Variants in ERBB4 observed in about 807,000 individuals in gnomAD.
ERBB4 encodes erb-b2 receptor tyrosine kinase 4, also known as receptor tyrosine-protein kinase erbB-4.
A neutral mutation model predicts 158.0 loss-of-function variants in ERBB4; 42 were observed. The ratio of observed to expected loss-of-function variants is 0.27; its 90% CI spans 0.21 to 0.34. The LOEUF (loss-of-function observed/expected upper bound fraction) is 0.34, where lower values mean the gene tolerates loss of function less well. Among genes scored for constraint, ERBB4 ranks in the 10% least tolerant of loss-of-function variants. The pLI is 1.00. For synonymous variants in ERBB4, 583 were observed against 558.7 expected, an observed-to-expected ratio of 1.04 and a Z score of -0.61; for missense variants, 1,333 against 1,624.1, an observed-to-expected ratio of 0.82 and a Z score of 3.08.
chr2:212,126,765 A>G (rs1018215915), intron 1 of ERBB4, among the ~76,000 whole-genome samples: 1 of 152,206 alleles, frequency 6.6e-6, no homozygotes, highest in African/African-American at 2.4e-5. Flanking sequence ...ATATACACAG[A>G]AGTAAAAAAG....
chr2:212,207,984 T>C (rs1343979149), intron 1 of ERBB4, among the ~76,000 whole-genome samples: 1 of 152,196 alleles, frequency 6.6e-6, no homozygotes, highest in Admixed American at 6.5e-5. Flanking sequence ...ATTAAAGCCA[T>C]ATACTTTTTA....
chr2:212,264,293 A>G (rs924409426), intron 1 of ERBB4, among the ~76,000 whole-genome samples: 1 of 152,132 alleles, frequency 6.6e-6, no homozygotes, highest in East Asian at 1.9e-4. Flanking sequence ...CTCGTTGGTC[A>G]TATTTAACCG....
At chr2:211,427,234 G>A (rs1262870939) in intron 22 of ERBB4, among the ~76,000 whole-genome samples, 1 of 151,616 alleles carries the variant, frequency 6.6e-6, no homozygotes, top group Admixed American at 6.6e-5. Flanking sequence ...TTCCAACAAT[G>A]CAAAAAAGGT....
At chr2:211,999,454 T>C (rs557020124) in intron 2 of ERBB4, among the ~76,000 whole-genome samples, 44 of 151,940 alleles carry the variant, frequency 2.9e-4, no homozygotes, top group Middle Eastern at 3.4e-3. Context: ...GTATCCTGAA[T>C]AAATCTTAAA....
intron 27 of ERBB4, among the ~76,000 whole-genome samples, chr2:211,386,041 A>G (rs1303111920): frequency 2.6e-5 from 4 of 152,204 alleles, no homozygotes; most frequent in African/African-American, 7.2e-5. Context: ...ATAACCATAT[A>G]CCAGGCCCTT....
At chr2:212,433,064 G>C (rs929345872) in intron 1 of ERBB4, among the ~76,000 whole-genome samples, 2 of 151,994 alleles carry the variant, frequency 1.3e-5, no homozygotes, top group African/African-American at 4.8e-5. Flanking sequence ...TGGTAGAAAA[G>C]TTATTTATAA....
chr2:211,635,847 AAT>A (rs1306753307), intron 16 of ERBB4, among the ~76,000 whole-genome samples: 5 of 152,058 alleles, frequency 3.3e-5, no homozygotes, highest in Non-Finnish European at 7.4e-5. Context: ...TTAAATTTTG[AAT>A]ATATGTGTAT....
chr2:212,489,022 A>G (rs1690128605), intron 1 of ERBB4, among the ~76,000 whole-genome samples: 1 of 150,546 alleles, frequency 6.6e-6, no homozygotes, highest in Admixed American at 6.7e-5. Flanking sequence ...TTGCATTTGT[A>G]TGGTAGGCAA....
intron 3 of ERBB4, among the ~76,000 whole-genome samples, chr2:211,919,723 C>T (rs1479167531): frequency 6.6e-6 from 1 of 151,934 alleles, no homozygotes; most frequent in East Asian, 1.9e-4. Context: ...AGTGTTATGG[C>T]ACCTCAGAAG....
intron 2 of ERBB4, among the ~76,000 whole-genome samples, chr2:212,099,193 A>T (rs1432802430): frequency 2.0e-5 from 3 of 150,734 alleles, no homozygotes; most frequent in Non-Finnish European, 4.4e-5. Context: ...ATAATAAATA[A>T]TAAAAATAAA....
chr2:211,562,918 C>T (rs2067443736), intron 19 of ERBB4, among the ~76,000 whole-genome samples: 1 of 151,600 alleles, frequency 6.6e-6, no homozygotes, highest in African/African-American at 2.4e-5. Flanking sequence ...ACTACAGGCG[C>T]CCGCCACTAC....
chr2:212,154,156 T>C (rs2080959031), intron 1 of ERBB4, among the ~76,000 whole-genome samples: 1 of 152,176 alleles, frequency 6.6e-6, no homozygotes, highest in South Asian at 2.1e-4. Flanking sequence ...GAATGAATTC[T>C]TTCAGCAACT....
chr2:212,137,493 C>T (rs1162750934), intron 1 of ERBB4, among the ~76,000 whole-genome samples: 1 of 152,112 alleles, frequency 6.6e-6, no homozygotes, highest in Non-Finnish European at 1.5e-5. Flanking sequence ...CATGTCTCTG[C>T]CAAGGACATA....
chr2:212,159,264 G>GTT (rs72054973), intron 1 of ERBB4, among the ~76,000 whole-genome samples: 3 of 141,272 alleles, frequency 2.1e-5, no homozygotes, highest in Admixed American at 7.1e-5. Context: ...GTGTGTTTTT[G>GTT]TTTTTTTTTT....
chr2:211,713,696 C>T (rs2073794443), intron 7 of ERBB4, 48 bp from the exon 8 acceptor site: 1 of 1,112,068 alleles, frequency 9.0e-7, no homozygotes, highest in Non-Finnish European at 1.4e-6. Context: ...TGTTAACATT[C>T]AGCAAACAAG....
At chr2:212,392,783 C>T (rs1196767707) in intron 1 of ERBB4, among the ~76,000 whole-genome samples, 1 of 151,910 alleles carries the variant, frequency 6.6e-6, no homozygotes, top group Non-Finnish European at 1.5e-5. Context: ...TATCATATTA[C>T]ATTACTGGTC....
rs2125312112 is a variant in ERBB4 at position 211,384,012 on chromosome 2, T to C, written c.3530A>G (p.Asn1177Ser). Residue 1177 changes from asparagine (N) to serine (S), a missense_variant, in exon 28 of 28, where the codon AAT becomes AGT. Transcript: ENST00000342788. ...EENPFVSRRK[N>S]GDLQALDNPE... ...ATTATCCAATGCTTGAAGGTCTCCA[T>C]TTTTTCTCCGAGAAACAAAAGGGTT... is the stretch of plus-strand genomic sequence containing the variant. 2 of 1,613,946 alleles carry C rather than the reference T, an allele frequency of 1.2e-6. No individual in the cohort carries two copies. The highest frequency in any genetic ancestry group is 2.2e-5 in the East Asian group (1 of 44,862).
chr2:212,335,959 A>G (rs2088421043), intron 1 of ERBB4, among the ~76,000 whole-genome samples: 1 of 152,032 alleles, frequency 6.6e-6, no homozygotes, highest in African/African-American at 2.4e-5. Flanking sequence ...TCTTTATTGT[A>G]CAATGCCTAA....
In ERBB4 at chr2:211,377,726, A is replaced by G. The variant is rs2062500475; in HGVS notation, c.*5889T>C. On this transcript the variant is annotated 3_prime_UTR_variant, in exon 28 of 28. Transcript: ENST00000342788. Reference sequence around the variant, plus strand: ...GCAAATAAGTTAATTTACTGGCAAAAATAACTTCTTGGTTATATGTACAGC... The same window carrying G: ...GCAAATAAGTTAATTTACTGGCAAAGATAACTTCTTGGTTATATGTACAGC... The G allele has an allele frequency of 4.3e-6, 1 of 232,374 alleles. No homozygotes were observed. Among genetic ancestry groups the G allele is most frequent in the Non-Finnish European group, 8.5e-6 (1 of 117,574 alleles). 14.4% of individuals were successfully genotyped at this position (232,374 alleles called of 1,614,324 possible).
Sources: gnomAD v4.1 joint callset for allele counts (sites outside exome capture counted in the v4.1 genomes callset) on GRCh38, gnomAD v4.1.1 for gene constraint, MANE v1.5 for transcripts, NCBI Gene and HGNC (gene_info 2026-07-23, HGNC 2026-07-21) for gene names.